Variants in FLACC1 observed in about 807,000 individuals in gnomAD.
FLACC1 encodes the protein flagellum associated containing coiled-coil domains 1, also known as flagellum-associated coiled-coil domain-containing protein 1.
A neutral mutation model predicts 62.8 loss-of-function variants in FLACC1; 66 were observed. That is an observed-to-expected ratio of 1.05 (90% confidence interval 0.86 to 1.29). The LOEUF is 1.29. Among genes scored for constraint, FLACC1 ranks in the 50% most tolerant of loss-of-function variants. The probability of loss-of-function intolerance (pLI) is 0.00; values close to 1 mark genes in which losing one functional copy is unlikely to be tolerated. For synonymous variants in FLACC1, 156 were observed against 161.0 expected, an observed-to-expected ratio of 0.97 and a Z score of 0.24; for missense variants, 452 against 489.1, an observed-to-expected ratio of 0.92 and a Z score of 0.71.
rs1423362543 is a variant in FLACC1, at chr2:201,330,799, C to T, written c.559G>A (p.Glu187Lys). 1 of 1,613,670 alleles carries T rather than the reference C, an allele frequency of 6.2e-7. No homozygotes were observed. The highest frequency in any genetic ancestry group is 8.5e-7 in the Non-Finnish European group (1 of 1,179,996). Residue 187 changes from glutamate to lysine, a missense_variant, in exon 8 of 15, where the codon GAG becomes AAG. This residue lies in a region of FLACC1 where 301 missense variants were observed against 318.4 expected (regional missense o/e 0.95). Transcript: ENST00000392257. ...LKEAHEAELSELENNYKAALK... is the reference protein window; with the variant it reads ...LKEAHEAELSKLENNYKAALK... ...GCTGCTTTGTAGTTGTTCTCCAACTCACTGAGTTCTGCTTCATGGGCCTCT... is the reference window on the plus strand; with the variant it reads ...GCTGCTTTGTAGTTGTTCTCCAACTTACTGAGTTCTGCTTCATGGGCCTCT...
intron 11 of FLACC1, among the ~76,000 whole-genome samples, chr2:201,305,078 C>G (rs1412721345): frequency 6.6e-6 from 1 of 152,204 alleles, no homozygotes; most frequent in Non-Finnish European, 1.5e-5. Context: ...CCAAAATTGA[C>G]AAATGGGATC....
At chr2:201,322,900 A>G (rs578234142) in intron 9 of FLACC1, among the ~76,000 whole-genome samples, 15 of 152,268 alleles carry the variant, frequency 9.9e-5, no homozygotes, top group Middle Eastern at 3.4e-3. Flanking sequence ...AGAAAAAACA[A>G]TAAGAATTTC....
chr2:201,313,363 C>G lies in FLACC1; in HGVS notation c.676-4113G>C, dbSNP rs549167479. On this transcript the variant is annotated intron_variant, in intron 9 of 14. Transcript: ENST00000392257. Reference sequence around the variant, plus strand: ...CTGCCTGGAAACAGACTTGGTACTACTGGGTTGGGGGCATGGTGGGAGTGA... The same window carrying G: ...CTGCCTGGAAACAGACTTGGTACTAGTGGGTTGGGGGCATGGTGGGAGTGA... Among the ~76,000 whole-genome samples the G allele has an allele frequency of 8.5e-5, 13 of 152,244 alleles. No individual in the cohort carries two copies. In the South Asian group the frequency reaches 2.7e-3, roughly 32 times the overall value.
chr2:201,357,377 AGTTT>A (rs1951137698), upstream of FLACC1: 1 of 152,190 alleles, frequency 6.6e-6, no homozygotes, highest in Non-Finnish European at 1.5e-5. Context: ...GGCAGGCCAA[AGTTT>A]GTTTATTTTG....
chr2:201,299,907 G>T (rs928146344), intron 11 of FLACC1, among the ~76,000 whole-genome samples: 1 of 152,210 alleles, frequency 6.6e-6, no homozygotes, highest in Non-Finnish European at 1.5e-5. Context: ...CTACCTGAGA[G>T]ACTGGGTAAT....
chr2:201,289,594 C>G (rs759293586), intron 13 of FLACC1, 28 bp from the exon 14 acceptor site: 2 of 1,613,396 alleles, frequency 1.2e-6, no homozygotes. Context: ...TAATAGCCAT[C>G]TTCCCCAACC....
chr2:201,320,698 C>A (rs1342999894), intron 9 of FLACC1, among the ~76,000 whole-genome samples: 1 of 152,206 alleles, frequency 6.6e-6, no homozygotes, highest in African/African-American at 2.4e-5. Context: ...CAGGGAGACT[C>A]AGAGCGCAAG....
intron 9 of FLACC1, among the ~76,000 whole-genome samples, chr2:201,325,952 A>G (rs573109132): frequency 1.3e-5 from 2 of 152,256 alleles, no homozygotes; most frequent in South Asian, 4.2e-4. Context: ...ACCGACCCCA[A>G]TAGCACATCA....
chr2:201,322,673 G>GA lies in FLACC1; in HGVS notation c.675+7796dup, dbSNP rs371415980. 5.2e-3 allele frequency among the ~76,000 whole-genome samples: 793 copies of GA among 152,184 alleles called. 9 individuals carry two copies. Among genetic ancestry groups the GA allele is most frequent in the African/African-American group, 0.018 (750 of 41,538 alleles). Reference sequence around the variant, plus strand: ...ACCAGAAAAGGAACTCTGGTAATATGAAAAAACAGGGTTCTATAACACCCT... The same window carrying GA: ...ACCAGAAAAGGAACTCTGGTAATATGAAAAAAACAGGGTTCTATAACACCCT... On this transcript the variant is annotated intron_variant, in intron 9 of 14. Transcript: ENST00000392257.
intron 1 of FLACC1, among the ~76,000 whole-genome samples, chr2:201,355,346 T>A (rs1197790655): frequency 6.6e-6 from 1 of 152,116 alleles, no homozygotes; most frequent in Non-Finnish European, 1.5e-5. Context: ...CAGATGAAAC[T>A]GCCAAAATGT....
intron 12 of FLACC1, among the ~76,000 whole-genome samples, chr2:201,291,449 A>G (rs1002035372): frequency 3.9e-5 from 6 of 152,228 alleles, no homozygotes; most frequent in African/African-American, 1.4e-4. Context: ...ACTCCAACAG[A>G]CCTGCAGCTG....
At chr2:201,318,541 T>A (rs1042695889) in intron 9 of FLACC1, among the ~76,000 whole-genome samples, 4 of 151,560 alleles carry the variant, frequency 2.6e-5, no homozygotes, top group African/African-American at 4.9e-5. Context: ...AAAACCACAA[T>A]GAGATACCAC....
At chr2:201,303,664 G>A (rs540500204) in intron 11 of FLACC1, among the ~76,000 whole-genome samples, 6 of 152,238 alleles carry the variant, frequency 3.9e-5, no homozygotes, top group East Asian at 1.9e-4. Flanking sequence ...GATGAACATC[G>A]ATGCAAAAAT....
chr2:201,348,054 C>A (rs1576476384), intron 4 of FLACC1, 200 bp downstream of exon 4: 1 of 483,316 alleles, frequency 2.1e-6, no homozygotes, highest in African/African-American at 2.0e-5. Flanking sequence ...AATGCCCACT[C>A]TGGAATCTAG....
chr2:201,334,493 G>A lies in FLACC1; in HGVS notation c.525-3660C>T, dbSNP rs550811001. ...GAGTAATCCTGGCCTCATAAAAATA[G>A]TGTGAACAGGCTGGGTGCGTTGGCT... On this transcript the variant is annotated intron_variant, in intron 7 of 14. Coordinates refer to ENST00000392257, the MANE Select transcript of FLACC1 (RefSeq NM_001127391.3). Among the ~76,000 whole-genome samples the A allele has an allele frequency of 4.3e-4, 66 of 152,172 alleles. 1 individual carries two copies. The highest frequency in any genetic ancestry group is 1.4e-3 in the African/African-American group (58 of 41,542).
intron 6 of FLACC1, among the ~76,000 whole-genome samples, chr2:201,343,466 G>C (rs778012972): frequency 6.6e-6 from 1 of 152,178 alleles, no homozygotes; most frequent in Non-Finnish European, 1.5e-5. Flanking sequence ...ATAGGACCCA[G>C]CCTGAGTCAT....
At chr2:201,292,896 C>G (rs1026444244) in intron 12 of FLACC1, among the ~76,000 whole-genome samples, 1 of 151,914 alleles carries the variant, frequency 6.6e-6, no homozygotes, top group Non-Finnish European at 1.5e-5. Flanking sequence ...AACAGACTTT[C>G]AATTAACAAA....
At chr2:201,293,320 G>A (rs10931937) in intron 12 of FLACC1, among the ~76,000 whole-genome samples, 51,156 of 151,990 alleles carry the variant, frequency 0.34, 10,141 homozygotes, top group East Asian at 0.48. Context: ...ACAACAAACC[G>A]TCTCTCAGAC....
intron 9 of FLACC1, among the ~76,000 whole-genome samples, chr2:201,317,908 A>G (rs1453297988): frequency 2.0e-5 from 3 of 152,214 alleles, no homozygotes; most frequent in African/African-American, 7.2e-5. Context: ...ACATAGACCA[A>G]TGGAACAGAA....
Sources: allele counts gnomAD v4.1 joint callset (sites outside exome capture counted in the v4.1 genomes callset), GRCh38; gene constraint gnomAD v4.1.1; regional missense constraint gnomAD v4.1.1; transcripts MANE v1.5; gene names NCBI Gene and HGNC (gene_info 2026-07-23, HGNC 2026-07-21).